The following FYN variants were observed in gnomAD, a reference collection of about 807,000 sequenced individuals.
FYN encodes the protein FYN proto-oncogene, Src family tyrosine kinase.
A neutral mutation model predicts 70.2 loss-of-function variants in FYN; 10 were observed. The ratio of observed to expected loss-of-function variants is 0.14; its 90% CI spans 0.09 to 0.24. The LOEUF (loss-of-function observed/expected upper bound fraction) is 0.24. Among genes scored for constraint, FYN ranks in the 10% least tolerant of loss-of-function variants. The pLI is 1.00. For missense variants in FYN, 319 were observed against 673.1 expected, an observed-to-expected ratio of 0.47 and a Z score of 5.82; for synonymous variants, 236 against 248.6, an observed-to-expected ratio of 0.95 and a Z score of 0.48.
At chr6:111,703,276 A>C (rs1225156140) in intron 7 of FYN, among the ~76,000 whole-genome samples, 1 of 152,130 alleles carries the variant, frequency 6.6e-6, no homozygotes, top group Admixed American at 6.5e-5. Flanking sequence ...ATTTTTCTTA[A>C]ACACACTGTT....
At chr6:111,743,955 T>C (rs1158328011) in intron 3 of FYN, among the ~76,000 whole-genome samples, 1 of 152,208 alleles carries the variant, frequency 6.6e-6, no homozygotes, top group Non-Finnish European at 1.5e-5. Context: ...ACCCTGGGTC[T>C]CCAAGCCGAT....
intron 1 of FYN, among the ~76,000 whole-genome samples, chr6:111,868,645 T>C (rs1472577024): frequency 6.6e-6 from 1 of 152,214 alleles, no homozygotes; most frequent in East Asian, 1.9e-4. Context: ...TATTTTAATA[T>C]CATCATTATA....
At chr6:111,737,886 G>A (rs548363836) in intron 3 of FYN, among the ~76,000 whole-genome samples, 1 of 152,134 alleles carries the variant, frequency 6.6e-6, no homozygotes, top group Admixed American at 6.5e-5. Context: ...ATCACTAATG[G>A]CCTCAAATTT....
intron 9 of FYN, among the ~76,000 whole-genome samples, chr6:111,698,810 C>T (rs1047112331): frequency 1.3e-5 from 2 of 152,174 alleles, no homozygotes; most frequent in African/African-American, 2.4e-5. Flanking sequence ...TCCAGCCGGG[C>T]GTGGTGGCTC....
intron 13 of FYN, 42 bp downstream of exon 13, chr6:111,674,457 G>A: frequency 1.3e-6 from 2 of 1,567,126 alleles, no homozygotes; most frequent in Non-Finnish European, 1.7e-6. Context: ...TGTCAAAAAA[G>A]CCTCCAATCT....
At chr6:111,709,302 C>T (rs1310424140) in intron 5 of FYN, among the ~76,000 whole-genome samples, 3 of 152,126 alleles carry the variant, frequency 2.0e-5, no homozygotes, top group African/African-American at 7.2e-5. Flanking sequence ...CAGATTTAAT[C>T]AGGTAGAGAA....
intron 2 of FYN, among the ~76,000 whole-genome samples, chr6:111,794,179 G>A (rs1187776089): frequency 6.6e-6 from 1 of 152,222 alleles, no homozygotes; most frequent in African/African-American, 2.4e-5. Context: ...GCTTCCCAAA[G>A]GAGAGCCCTC....
intron 2 of FYN, among the ~76,000 whole-genome samples, chr6:111,788,208 G>A (rs2128511173): frequency 6.6e-6 from 1 of 152,246 alleles, no homozygotes; most frequent in East Asian, 1.9e-4. Context: ...CACGCTATCT[G>A]CTGCAAGGAA....
chr6:111,712,727 G>A (rs1173827611), intron 5 of FYN, among the ~76,000 whole-genome samples: 1 of 152,192 alleles, frequency 6.6e-6, no homozygotes, highest in East Asian at 1.9e-4. Flanking sequence ...AATGGTAGCT[G>A]TTTATTATTT....
chr6:111,704,230 A>AT (rs1224844821), intron 6 of FYN, 128 bp from the exon 7 acceptor site: 8 of 670,132 alleles, frequency 1.2e-5, no homozygotes, highest in Admixed American at 5.7e-5. Context: ...CCCTGGATGT[A>AT]TTTTTTTTCT....
chr6:111,672,546 C>T (rs1356747004), intron 13 of FYN, among the ~76,000 whole-genome samples: 1 of 152,196 alleles, frequency 6.6e-6, no homozygotes, highest in Non-Finnish European at 1.5e-5. Context: ...GCCAAGTAGT[C>T]CATCCTTTCA....
chr6:111,714,989 T>C (rs1232223853), intron 4 of FYN, among the ~76,000 whole-genome samples: 1 of 152,184 alleles, frequency 6.6e-6, no homozygotes, highest in African/African-American at 2.4e-5. Context: ...GCCCTTGGCA[T>C]CTGCAGTTCA....
At chr6:111,732,860 C>A (rs1583379156) in intron 3 of FYN, among the ~76,000 whole-genome samples, 1 of 152,248 alleles carries the variant, frequency 6.6e-6, no homozygotes, top group African/African-American at 2.4e-5. Flanking sequence ...GAACCTGGGC[C>A]CCGGACAGCT....
chr6:111,722,642 T>C (rs1402241381), intron 3 of FYN, among the ~76,000 whole-genome samples: 1 of 152,110 alleles, frequency 6.6e-6, no homozygotes, highest in Non-Finnish European at 1.5e-5. Flanking sequence ...GGGGGTAACT[T>C]TACCACTCCC....
chr6:111,758,174 CTA>C (rs1480731479), intron 3 of FYN, among the ~76,000 whole-genome samples: 2 of 152,000 alleles, frequency 1.3e-5, no homozygotes, highest in African/African-American at 4.8e-5. Flanking sequence ...TAGTACATAC[CTA>C]TAATGGAATA....
At chr6:111,691,450 T>C (rs77365247) in intron 12 of FYN, among the ~76,000 whole-genome samples, 7,771 of 152,312 alleles carry the variant, frequency 0.051, 231 homozygotes, top group East Asian at 0.14. Flanking sequence ...GGCTGTGGCC[T>C]GTGGGTAACA....
intron 13 of FYN, among the ~76,000 whole-genome samples, chr6:111,668,879 A>G (rs1252996399): frequency 6.6e-6 from 1 of 152,090 alleles, no homozygotes; most frequent in African/African-American, 2.4e-5. Context: ...CTGGTTGGAG[A>G]GTCCTAACCC....
chr6:111,688,611 A>G (rs56138924), intron 12 of FYN, among the ~76,000 whole-genome samples: 2,453 of 152,186 alleles, frequency 0.016, 68 homozygotes, highest in African/African-American at 0.057. Context: ...GAACTGCTCC[A>G]GCCGTGCCCA....
chr6:111,702,744 A>G (rs1799899267), intron 8 of FYN, 141 bp downstream of exon 8: 1 of 706,600 alleles, frequency 1.4e-6, no homozygotes, highest in Non-Finnish European at 2.3e-6. Flanking sequence ...GCCAAGCCCT[A>G]CCATTAAGGG....
Sources: allele counts gnomAD v4.1 joint callset (sites outside exome capture counted in the v4.1 genomes callset), GRCh38; gene constraint gnomAD v4.1.1; transcripts MANE v1.5; gene names NCBI Gene and HGNC (gene_info 2026-07-23, HGNC 2026-07-21).